Variants in SASH1 observed in about 807,000 individuals in gnomAD.
The protein encoded by SASH1 is SAM and SH3 domain-containing protein 1.
In SASH1, 44 loss-of-function variants were observed where a neutral mutation model predicts 125.2. That is an observed-to-expected ratio of 0.35 (90% CI 0.28 to 0.45). SASH1 has a LOEUF of 0.45. SASH1 is among the 20% of genes least tolerant of loss of function. The probability of loss-of-function intolerance (pLI) is 1.00; values close to 1 mark genes in which losing one functional copy is unlikely to be tolerated. For synonymous variants in SASH1, 639 were observed against 649.1 expected (o/e 0.98, Z 0.24); for missense variants, 1,426 against 1,614.5 (o/e 0.88, Z 2.00).
chr6:148,198,937 T>C, the SASH1 span, among the ~76,000 whole-genome samples: 1 of 152,190 alleles, frequency 6.6e-6, no homozygotes, highest in South Asian at 2.1e-4. Context: ...TACCTACCTT[T>C]TGAGTACTTA....
At chr6:148,531,759 A>T (rs2115403109) in intron 13 of SASH1, 98 bp downstream of exon 13, 2 of 1,007,674 alleles carry the variant, frequency 2.0e-6, no homozygotes, top group East Asian at 6.1e-5. Flanking sequence ...AATAAGACCA[A>T]GTCCTGCCCT....
chr6:148,343,861 C>G lies in SASH1; in HGVS notation c.156+638C>G, dbSNP rs74710445. 5.6e-3 allele frequency among the ~76,000 whole-genome samples: 849 copies of G among 152,266 alleles called. 14 individuals are homozygous for G. Among genetic ancestry groups the G allele is most frequent in the African/African-American group, 0.019 (789 of 41,542 alleles). On this transcript the variant is annotated intron_variant, in intron 1 of 19. Coordinates refer to ENST00000367467, the MANE Select transcript of SASH1 (RefSeq NM_015278.5). ...TCTGTATGGAGGGTGAAGTTTTAAC[C>G]TGCTCAGGGTTGAATACCTTGGGGA...
At chr6:148,445,500 T>C (rs1463276180) in intron 4 of SASH1, among the ~76,000 whole-genome samples, 2 of 152,232 alleles carry the variant, frequency 1.3e-5, no homozygotes, top group Non-Finnish European at 2.9e-5. Flanking sequence ...CAAATGAGTT[T>C]AGCTACGAGT....
intron 1 of SASH1, among the ~76,000 whole-genome samples, chr6:148,277,587 C>T (rs541986155): frequency 2.6e-5 from 4 of 152,186 alleles, no homozygotes; most frequent in Middle Eastern, 3.4e-3. Context: ...AAATTCTTTC[C>T]GAAAGTTTGC....
At chr6:148,515,538 G>A (rs529425495) in intron 9 of SASH1, among the ~76,000 whole-genome samples, 20 of 152,104 alleles carry the variant, frequency 1.3e-4, no homozygotes, top group Non-Finnish European at 2.8e-4. Context: ...ATGGGGATTC[G>A]AATGGAAAAC....
intron 4 of SASH1, among the ~76,000 whole-genome samples, chr6:148,441,083 G>A (rs752460697): frequency 1.3e-5 from 2 of 152,078 alleles, no homozygotes; most frequent in Non-Finnish European, 2.9e-5. Context: ...CATCATCATT[G>A]TACTAGAATG....
chr6:148,357,108 C>T (rs116082607), intron 1 of SASH1, among the ~76,000 whole-genome samples: 11 of 152,234 alleles, frequency 7.2e-5, no homozygotes, highest in African/African-American at 2.2e-4. Context: ...GTATAGTTTG[C>T]GAAAATTTTC....
intron 1 of SASH1, among the ~76,000 whole-genome samples, chr6:148,385,427 G>A (rs1783320439): frequency 6.6e-6 from 1 of 152,166 alleles, no homozygotes; most frequent in African/African-American, 2.4e-5. Context: ...TACATATTTG[G>A]TCTTAATCTT....
At chr6:148,468,131 T>A (rs1348023684) in intron 4 of SASH1, among the ~76,000 whole-genome samples, 1 of 152,224 alleles carries the variant, frequency 6.6e-6, no homozygotes, top group Non-Finnish European at 1.5e-5. Context: ...AGCCGACCAC[T>A]GTACTCATCT....
intron 1 of SASH1, among the ~76,000 whole-genome samples, chr6:148,356,577 C>T (rs1422172616): frequency 1.4e-5 from 2 of 140,148 alleles, no homozygotes; most frequent in Non-Finnish European, 1.5e-5. Context: ...TCAAGCGATT[C>T]TCCTGCCTCA....
chr6:148,241,480 C>T, the SASH1 span, among the ~76,000 whole-genome samples: 3 of 152,186 alleles, frequency 2.0e-5, no homozygotes, highest in Admixed American at 6.5e-5. Flanking sequence ...AATGGCATCT[C>T]CTCTTGCTTT....
intron 2 of SASH1, among the ~76,000 whole-genome samples, chr6:148,401,354 A>G (rs1431215139): frequency 6.6e-6 from 1 of 152,120 alleles, no homozygotes; most frequent in Non-Finnish European, 1.5e-5. Flanking sequence ...GTAACTTTGG[A>G]AAATACATCT....
chr6:148,549,935 GAGT>G lies in SASH1; in HGVS notation c.*1380_*1382del. The G allele has an allele frequency of 5.8e-6, 1 of 172,782 alleles. No homozygotes were observed. The highest frequency in any genetic ancestry group is 2.0e-4 in the South Asian group (1 of 4,970). 10.7% of individuals were successfully genotyped at this position (172,782 alleles called of 1,614,324 possible). ...AGTGATTCTCCTGCCTTAGCCTCCC[GAGT>G]AGCTGGGATTATAGGCACCCACCAC... On this transcript the variant is annotated 3_prime_UTR_variant, in exon 20 of 20. Transcript: ENST00000367467.
At chr6:148,202,128 GT>G in the SASH1 span, among the ~76,000 whole-genome samples, 7 of 149,482 alleles carry the variant, frequency 4.7e-5, no homozygotes, top group East Asian at 7.8e-4. Context: ...GCTGGATTCA[GT>G]TTTTTTTTTA....
intron 1 of SASH1, among the ~76,000 whole-genome samples, chr6:148,307,094 T>TTCTCTC (rs764505514): frequency 8.3e-6 from 1 of 120,692 alleles, no homozygotes; most frequent in African/African-American, 3.2e-5. Context: ...CTTTCTTTCT[T>TTCTCTC]TCTCTCTCTC....
At chr6:148,340,903 A>G (rs1322913638), upstream of SASH1, among the ~76,000 whole-genome samples, 1 of 152,166 alleles carries the variant, frequency 6.6e-6, no homozygotes, top group Non-Finnish European at 1.5e-5. Flanking sequence ...GAGGAGACCA[A>G]GGAGGGAGGA....
intron 2 of SASH1, among the ~76,000 whole-genome samples, chr6:148,405,394 G>T (rs1209638366): frequency 6.6e-6 from 1 of 152,096 alleles, no homozygotes; most frequent in Non-Finnish European, 1.5e-5. Context: ...AGGGGGTTTT[G>T]GTTGAAAGGC....
chr6:148,201,782 G>A, the SASH1 span, among the ~76,000 whole-genome samples: 6 of 152,100 alleles, frequency 3.9e-5, no homozygotes, highest in African/African-American at 1.4e-4. Context: ...TGAGAATAAA[G>A]GAGAACAGAT....
At chr6:148,449,078 CTTTT>C in intron 4 of SASH1, among the ~76,000 whole-genome samples, 2 of 88,736 alleles carry the variant, frequency 2.3e-5, no homozygotes, top group African/African-American at 4.3e-5. Context: ...CATTTCATTT[CTTTT>C]TTTTTTTTTT....
Sources: gnomAD v4.1 joint callset for allele counts (sites outside exome capture counted in the v4.1 genomes callset) on GRCh38, gnomAD v4.1.1 for gene constraint, MANE v1.5 for transcripts, NCBI Gene and HGNC (gene_info 2026-07-23, HGNC 2026-07-21) for gene names.